The following FBXO10 variants were observed in gnomAD, a reference collection of about 807,000 sequenced individuals.
FBXO10 encodes the protein F-box protein 10.
A neutral mutation model predicts 80.7 loss-of-function variants in FBXO10; 39 were observed. The observed-to-expected ratio is 0.48, with a 90% CI of 0.37 to 0.63. The LOEUF (loss-of-function observed/expected upper bound fraction) is 0.63, where lower values mean the gene tolerates loss of function less well. Ranked by LOEUF, FBXO10 falls within the 30% of genes least tolerant of loss-of-function variation. The pLI is 0.00. For synonymous variants in FBXO10, 449 were observed against 489.6 expected (o/e 0.92, Z 1.09); for missense variants, 1,025 against 1,269.0 (o/e 0.81, Z 2.92).
chr9:37,526,563 C>G (rs1821477267), intron 5 of FBXO10, among the ~76,000 whole-genome samples: 1 of 152,120 alleles, frequency 6.6e-6, no homozygotes, highest in Admixed American at 6.5e-5. Context: ...AACAAATTAC[C>G]ACAAACTTGG....
At chr9:37,555,347 C>G (rs1445437095) in intron 1 of FBXO10, among the ~76,000 whole-genome samples, 2 of 151,844 alleles carry the variant, frequency 1.3e-5, no homozygotes, top group African/African-American at 4.8e-5. Context: ...ATTCATATAT[C>G]TCCTTTTTGA....
chr9:37,542,076 G>T (rs1372899681), intron 1 of FBXO10, among the ~76,000 whole-genome samples: 1 of 151,866 alleles, frequency 6.6e-6, no homozygotes, highest in African/African-American at 2.4e-5. Context: ...TGATCTGCCC[G>T]GCTTGGCCTC....
rs191519984 is a variant in FBXO10 at position 37,573,170 on chromosome 9, T to A, written c.-7+3041A>T. ...TTTGCCAAAGGGATTTGGGTTAAGG[T>A]TAAGAAGAGAAGGGACTGAGCCCAC... On this transcript the variant is annotated intron_variant, in intron 1 of 10. Coordinates refer to ENST00000432825, the MANE Select transcript of FBXO10 (RefSeq NM_012166.3). Among the ~76,000 whole-genome samples the A allele has an allele frequency of 5.0e-4, 76 of 152,134 alleles. 1 individual carries two copies. The East Asian group carries it at 0.013, about 26-fold the overall frequency.
In FBXO10 at chr9:37,518,336, G is replaced by A. The variant is rs376743442; in HGVS notation, c.2303C>T (p.Pro768Leu). ...RGITVAQSSQ[P>L]TRVANNSISC... ...GATGCTGTTGTTGGCCACTCGGGTG[G>A]GTTGGCTGCTCTGGGCCACAGTAAT... The change falls in exon 9 of 11, where the codon CCC becomes CTC. Residue 768 changes from proline (P) to leucine (L), a missense_variant. By Grantham distance (98) the Pro-to-Leu change is moderately conservative. Around this residue, in one of 3 missense-constraint regions of FBXO10, gnomAD observed 478 missense variants for 667.8 expected, o/e 0.72. Coordinates refer to ENST00000432825, the MANE Select transcript of FBXO10 (RefSeq NM_012166.3). 1.2e-6 allele frequency: 2 copies of A among 1,613,922 alleles called. No homozygotes were observed. The highest frequency in any genetic ancestry group is 2.7e-5 in the African/African-American group (2 of 74,926).
At chr9:37,522,705 G>T in intron 7 of FBXO10, 120 bp downstream of exon 7, 1 of 1,244,764 alleles carries the variant, frequency 8.0e-7, no homozygotes, top group Non-Finnish European at 1.1e-6. Flanking sequence ...GCCTGAGAGT[G>T]CCTGTTCAGA....
At chr9:37,550,327 C>G (rs1210801960) in intron 1 of FBXO10, among the ~76,000 whole-genome samples, 1 of 150,352 alleles carries the variant, frequency 6.7e-6, no homozygotes, top group Non-Finnish European at 1.5e-5. Context: ...GTATTACAGG[C>G]ACCCGCCACA....
At chr9:37,568,928 A>G (rs1822677043) in intron 1 of FBXO10, among the ~76,000 whole-genome samples, 1 of 152,276 alleles carries the variant, frequency 6.6e-6, no homozygotes, top group African/African-American at 2.4e-5. Flanking sequence ...AAATAGCTCC[A>G]AAGAAGGGAA....
chr9:37,549,441 C>A (rs1394266211), intron 1 of FBXO10, among the ~76,000 whole-genome samples: 1 of 152,188 alleles, frequency 6.6e-6, no homozygotes, highest in African/African-American at 2.4e-5. Context: ...CCCCTAAAAG[C>A]CTCTCTGTGT....
intron 2 of FBXO10, among the ~76,000 whole-genome samples, chr9:37,539,417 A>G (rs1192264762): frequency 1.3e-5 from 2 of 152,232 alleles, no homozygotes; most frequent in Non-Finnish European, 2.9e-5. Context: ...TTGAAAAACA[A>G]TCATGGACTG....
Position 37,556,241 on chromosome 9 carries a change from T to G in FBXO10, c.-6-14467A>C, listed in dbSNP as rs1202027833. Reference sequence around the variant, plus strand: ...ACATTTTTGACACTTTTTTTCCTTTTATGCATTATGCTTTTGGTATCAAGT... The same window carrying G: ...ACATTTTTGACACTTTTTTTCCTTTGATGCATTATGCTTTTGGTATCAAGT... On this transcript the variant is annotated intron_variant, in intron 1 of 10. Transcript: ENST00000432825. Among the ~76,000 whole-genome samples the G allele has an allele frequency of 3.3e-5, 5 of 152,226 alleles. No individual in the cohort carries two copies. The South Asian group carries it at 1.0e-3, about 31-fold the overall frequency.
In FBXO10 at chr9:37,570,275, T is replaced by C. The variant is rs564230192; in HGVS notation, c.-7+5936A>G. On this transcript the variant is annotated intron_variant, in intron 1 of 10. Coordinates refer to ENST00000432825, the MANE Select transcript of FBXO10 (RefSeq NM_012166.3). ...GTTGCAGTGAGCCGAGATTGTGCCA[T>C]TGCACTCCAGCCTGGGCAACAAGAG... Among the ~76,000 whole-genome samples the C allele has an allele frequency of 5.3e-5, 8 of 151,610 alleles. No homozygotes were observed. In the East Asian group the frequency reaches 1.2e-3, roughly 22 times the overall value.
intron 1 of FBXO10, among the ~76,000 whole-genome samples, chr9:37,545,884 C>T (rs1588846571): frequency 6.6e-6 from 1 of 152,296 alleles, no homozygotes; most frequent in East Asian, 1.9e-4. Flanking sequence ...CGGTGGCTCA[C>T]ACCTGTAATC....
intron 1 of FBXO10, among the ~76,000 whole-genome samples, chr9:37,567,812 G>A (rs1485454415): frequency 1.3e-5 from 2 of 152,156 alleles, no homozygotes; most frequent in African/African-American, 4.8e-5. Flanking sequence ...TTCCAGGCAT[G>A]AGCCACTGCA....
At chr9:37,565,797 A>C (rs1379318035) in intron 1 of FBXO10, among the ~76,000 whole-genome samples, 7 of 152,212 alleles carry the variant, frequency 4.6e-5, no homozygotes, top group Non-Finnish European at 1.0e-4. Context: ...AGCTTCATGG[A>C]GGAGCTGGTA....
At chr9:37,531,184 A>G (rs1306980359) in intron 4 of FBXO10, among the ~76,000 whole-genome samples, 1 of 152,232 alleles carries the variant, frequency 6.6e-6, no homozygotes, top group African/African-American at 2.4e-5. Context: ...CTGGCGTATA[A>G]TAAGCATTAT....
chr9:37,544,858 G>C (rs1468361358), intron 1 of FBXO10, among the ~76,000 whole-genome samples: 1 of 151,804 alleles, frequency 6.6e-6, no homozygotes, highest in Non-Finnish European at 1.5e-5. Flanking sequence ...GCCGGGCGTG[G>C]TGGCGGGTGC....
intron 3 of FBXO10, among the ~76,000 whole-genome samples, chr9:37,533,018 TG>T (rs1821668538): frequency 6.6e-6 from 1 of 152,162 alleles, no homozygotes; most frequent in African/African-American, 2.4e-5. Context: ...CACCCTGGGG[TG>T]GAAAACTACT....
chr9:37,533,301 T>C lies in FBXO10; in HGVS notation c.1420-1243A>G, dbSNP rs567481620. Among the ~76,000 whole-genome samples, 507 of 152,234 alleles carry C rather than the reference T, an allele frequency of 3.3e-3. 6 individuals carry two copies. The highest frequency in any genetic ancestry group is 0.011 in the African/African-American group (477 of 41,548). ...TGGCTCACGTCTGTAATCTCAGCAC[T>C]TTGGGAGGCCGAGGTGGGCGGATCA... is the stretch of plus-strand genomic sequence containing the variant. On this transcript the variant is annotated intron_variant, in intron 3 of 10. Transcript: ENST00000432825.
rs573536910 is a variant in FBXO10 at position 37,511,662 on chromosome 9, G to A, written c.*885C>T. ...GGGGAGAAGGGCATGCCGGGAGGAG[G>A]AAAGAGCATGAGCCAAGGCACAGAG... On this transcript the variant is annotated 3_prime_UTR_variant, in exon 11 of 11. Coordinates refer to ENST00000432825, the MANE Select transcript of FBXO10 (RefSeq NM_012166.3). The A allele has an allele frequency of 6.5e-6, 1 of 153,236 alleles. No individual in the cohort carries two copies. Among genetic ancestry groups the A allele is most frequent in the African/African-American group, 2.4e-5 (1 of 41,580 alleles). 9.5% of individuals were successfully genotyped at this position (153,236 alleles called of 1,614,324 possible). A position where few individuals can be genotyped will look rare whatever the true frequency, so the allele number is the denominator to read the frequency against.
Sources: gnomAD v4.1 joint callset for allele counts (sites outside exome capture counted in the v4.1 genomes callset) on GRCh38, gnomAD v4.1.1 for gene constraint, gnomAD v4.1.1 regional missense constraint, MANE v1.5 for transcripts, NCBI Gene and HGNC (gene_info 2026-07-23, HGNC 2026-07-21) for gene names.